SLC4A4: variants seen among roughly 807,000 people sequenced by gnomAD.
The protein encoded by SLC4A4 is electrogenic sodium bicarbonate cotransporter 1.
In SLC4A4, 27 loss-of-function variants were observed where a neutral mutation model predicts 111.5. That is an observed-to-expected ratio of 0.24 (90% CI 0.18 to 0.33). The LOEUF (loss-of-function observed/expected upper bound fraction) is 0.33. Among genes scored for constraint, SLC4A4 ranks in the 10% least tolerant of loss-of-function variants. The pLI, the probability that SLC4A4 is intolerant of heterozygous loss-of-function variation, is 1.00. For synonymous variants in SLC4A4, 443 were observed against 463.4 expected (o/e 0.96, Z 0.57); for missense variants, 909 against 1,315.5 (o/e 0.69, Z 4.78).
chr4:71,503,887 T>G (rs1003887002), intron 16 of SLC4A4, among the ~76,000 whole-genome samples: 1 of 152,190 alleles, frequency 6.6e-6, no homozygotes, highest in African/African-American at 2.4e-5. Context: ...TCCCTCAGCT[T>G]TTGCTTGTCT....
intron 14 of SLC4A4, among the ~76,000 whole-genome samples, chr4:71,479,014 G>A (rs547221004): frequency 6.6e-6 from 1 of 151,756 alleles, no homozygotes; most frequent in South Asian, 2.1e-4. Context: ...TTCTGACCAG[G>A]TGTCAGTTTT....
At chr4:71,478,557 A>G (rs1728577815) in intron 14 of SLC4A4, among the ~76,000 whole-genome samples, 1 of 151,312 alleles carries the variant, frequency 6.6e-6, no homozygotes, top group Admixed American at 6.6e-5. Flanking sequence ...GAATTTAACA[A>G]TGAGAACATA....
In SLC4A4 at chr4:71,532,635, A is replaced by G. The variant is rs947742286; in HGVS notation, c.2280+460A>G. On this transcript the variant is annotated intron_variant, in intron 17 of 25. Coordinates refer to ENST00000264485, the MANE Select transcript of SLC4A4 (RefSeq NM_001098484.3). Reference sequence around the variant, plus strand: ...ATCCTCCCACATTAGCCTCCCAAGTAGCTGGTGCTGTAGGCACATACCACC... The same window carrying G: ...ATCCTCCCACATTAGCCTCCCAAGTGGCTGGTGCTGTAGGCACATACCACC... Among the ~76,000 whole-genome samples the G allele has an allele frequency of 4.6e-5, 7 of 152,208 alleles. No homozygotes were observed. In the South Asian group the frequency reaches 1.2e-3, roughly 27 times the overall value.
At chr4:71,194,814 A>G (rs1333010203) in intron 1 of SLC4A4, among the ~76,000 whole-genome samples, 1 of 152,216 alleles carries the variant, frequency 6.6e-6, no homozygotes. Context: ...TGAACATTCA[A>G]GGATGAAGAA....
intron 1 of SLC4A4, among the ~76,000 whole-genome samples, chr4:71,077,805 T>C (rs1213387049): frequency 1.3e-5 from 2 of 152,206 alleles, no homozygotes; most frequent in African/African-American, 4.8e-5. Flanking sequence ...ACCCTATTTC[T>C]ATTTCTCCTC....
chr4:71,126,989 C>T (rs1303537357), intron 2 of SLC4A4, among the ~76,000 whole-genome samples: 1 of 152,200 alleles, frequency 6.6e-6, no homozygotes, highest in South Asian at 2.1e-4. Flanking sequence ...CTAATGATAA[C>T]TTAACTACAC....
chr4:71,090,820 T>G (rs1161688493), intron 1 of SLC4A4, among the ~76,000 whole-genome samples: 1 of 152,192 alleles, frequency 6.6e-6, no homozygotes, highest in Non-Finnish European at 1.5e-5. Context: ...ATGGCTCTAC[T>G]AAGACAAAAC....
At chr4:71,527,740 T>A (rs1403312923) in intron 16 of SLC4A4, among the ~76,000 whole-genome samples, 1 of 152,048 alleles carries the variant, frequency 6.6e-6, no homozygotes, top group African/African-American at 2.4e-5. Flanking sequence ...AAATAACTAT[T>A]TGTCTTCCTT....
chr4:71,158,000 T>C (rs1488014021), intron 2 of SLC4A4, among the ~76,000 whole-genome samples: 3 of 152,132 alleles, frequency 2.0e-5, no homozygotes, highest in East Asian at 3.8e-4. Flanking sequence ...CTGTTTGCTA[T>C]GGTGTTTATA....
At chr4:71,324,364 T>C (rs1006373410) in intron 3 of SLC4A4, among the ~76,000 whole-genome samples, 7 of 151,990 alleles carry the variant, frequency 4.6e-5, no homozygotes, top group Non-Finnish European at 1.5e-5. Flanking sequence ...CTTGGAATAT[T>C]GAAATAATAT....
chr4:71,569,496 A>G lies in SLC4A4; in HGVS notation c.*1745A>G, dbSNP rs1036988655. 1.1e-4 allele frequency: 17 copies of G among 151,726 alleles called. No individual in the cohort carries two copies. Among genetic ancestry groups the G allele is most frequent in the Admixed American group, 6.6e-5 (1 of 15,172 alleles). 9.4% of individuals were successfully genotyped at this position (151,726 alleles called of 1,614,324 possible). ...CCACACTGAAAATTAGACATTTATT[A>G]ACCAAATTTAACGTGGTATTTAAAG... On this transcript the variant is annotated 3_prime_UTR_variant, in exon 26 of 26. Transcript: ENST00000264485.
At chr4:71,194,994 G>A (rs1219013382) in intron 1 of SLC4A4, among the ~76,000 whole-genome samples, 1 of 152,098 alleles carries the variant, frequency 6.6e-6, no homozygotes, top group Non-Finnish European at 1.5e-5. Flanking sequence ...TTGGCTTGAT[G>A]TTGTGACTAT....
chr4:71,115,274 CATGTATACAT>C (rs1275158563), intron 2 of SLC4A4, among the ~76,000 whole-genome samples: 10 of 151,132 alleles, frequency 6.6e-5, no homozygotes, highest in African/African-American at 2.4e-4. Flanking sequence ...CAGCATGGCA[CATGTATACAT>C]ATGTAACTAA....
chr4:71,266,423 C>T (rs1170346209), intron 3 of SLC4A4, among the ~76,000 whole-genome samples: 1 of 152,160 alleles, frequency 6.6e-6, no homozygotes, highest in African/African-American at 2.4e-5. Flanking sequence ...TTGACAATTA[C>T]AGTTTGGCTT....
At chr4:71,432,069 T>G (rs146086514) in intron 7 of SLC4A4, among the ~76,000 whole-genome samples, 9 of 152,160 alleles carry the variant, frequency 5.9e-5, no homozygotes, top group African/African-American at 2.2e-4. Flanking sequence ...TGAGCACTTA[T>G]GAAGTTCCCA....
chr4:71,131,282 T>C (rs1232112858), intron 2 of SLC4A4, among the ~76,000 whole-genome samples: 2 of 152,232 alleles, frequency 1.3e-5, no homozygotes, highest in Non-Finnish European at 2.9e-5. Flanking sequence ...GTTTCTGAAG[T>C]GCACTTTCGC....
chr4:71,502,080 A>G lies in SLC4A4; in HGVS notation c.2166+4388A>G, dbSNP rs140095092. ...GGGTTCAAGGGATTCTTGTGCCTCAACCTCCTGAGTAACTGGGATTACAGG... is the reference window on the plus strand; with the variant it reads ...GGGTTCAAGGGATTCTTGTGCCTCAGCCTCCTGAGTAACTGGGATTACAGG... On this transcript the variant is annotated intron_variant, in intron 16 of 25. Coordinates refer to ENST00000264485, the MANE Select transcript of SLC4A4 (RefSeq NM_001098484.3). Among the ~76,000 whole-genome samples, 596 of 152,108 alleles carry G rather than the reference A, an allele frequency of 3.9e-3. 4 individuals carry two copies. Among genetic ancestry groups the G allele is most frequent in the South Asian group, 0.01 (49 of 4,816 alleles).
At chr4:71,313,103 C>T (rs1007051036) in intron 3 of SLC4A4, among the ~76,000 whole-genome samples, 1 of 152,122 alleles carries the variant, frequency 6.6e-6, no homozygotes, top group Non-Finnish European at 1.5e-5. Context: ...AATCAATGTG[C>T]AAAAATCACA....
chr4:71,516,754 G>A (rs10031807), intron 16 of SLC4A4, among the ~76,000 whole-genome samples: 19,729 of 152,182 alleles, frequency 0.13, 1,573 homozygotes, highest in Admixed American at 0.24. Flanking sequence ...CTGTGCCTCA[G>A]GTGTTTTCTG....
Sources: gnomAD v4.1 joint callset for allele counts (sites outside exome capture counted in the v4.1 genomes callset) on GRCh38, gnomAD v4.1.1 for gene constraint, MANE v1.5 for transcripts, NCBI Gene and HGNC (gene_info 2026-07-23, HGNC 2026-07-21) for gene names.